PSME3IP1: variants seen among roughly 807,000 people sequenced by gnomAD.
The protein encoded by PSME3IP1 is PSME3-interacting protein.
In PSME3IP1, 13 loss-of-function variants were observed where a neutral mutation model predicts 34.1. The observed-to-expected ratio is 0.38, with a 90% CI of 0.25 to 0.61. The LOEUF (loss-of-function observed/expected upper bound fraction) is 0.61, where lower values mean the gene tolerates loss of function less well. Ranked by LOEUF, PSME3IP1 falls within the 20% of genes least tolerant of loss-of-function variation. The pLI, the probability that PSME3IP1 is intolerant of heterozygous loss-of-function variation, is 0.60. For missense variants in PSME3IP1, 237 were observed against 301.4 expected, an observed-to-expected ratio of 0.79 and a Z score of 1.58; for synonymous variants, 93 against 114.3, an observed-to-expected ratio of 0.81 and a Z score of 1.19.
intron 4 of PSME3IP1, among the ~76,000 whole-genome samples, chr16:57,169,291 C>A (rs1348075480): frequency 6.6e-6 from 1 of 152,164 alleles, no homozygotes; most frequent in African/African-American, 2.4e-5. Context: ...AACAAGAGTT[C>A]TGTTATTTAC....
At position 57,172,241 on chromosome 16, in the gene PSME3IP1, C is replaced by T. The variant is rs1018246409; in HGVS notation, c.348+10G>A. ...CACCTTACAGGTTTTCCTCCAAGTA[C>T]AAAGGATATTCTGTATTCCTTCAGT... On this transcript the variant is annotated intron_variant, in intron 4 of 6. Coordinates refer to ENST00000309137, the MANE Select transcript of PSME3IP1 (RefSeq NM_024946.4). The T allele has an allele frequency of 1.9e-6, 3 of 1,612,058 alleles. No homozygotes were observed. The East Asian group carries it at 6.7e-5, about 36-fold the overall frequency.
At chr16:57,159,006 C>A (rs1228894128) in intron 6 of PSME3IP1, among the ~76,000 whole-genome samples, 1 of 152,180 alleles carries the variant, frequency 6.6e-6, no homozygotes, top group Non-Finnish European at 1.5e-5. Context: ...TATATGCACC[C>A]ATCATTGACC....
At chr16:57,166,339 A>G (rs1334156166) in intron 5 of PSME3IP1, among the ~76,000 whole-genome samples, 1 of 152,240 alleles carries the variant, frequency 6.6e-6, no homozygotes, top group Non-Finnish European at 1.5e-5. Context: ...CAAACATAGC[A>G]AAGAACTTAT....
At chr16:57,158,386 G>A (rs535561044) in intron 6 of PSME3IP1, among the ~76,000 whole-genome samples, 6 of 151,538 alleles carry the variant, frequency 4.0e-5, no homozygotes, top group South Asian at 2.1e-4. Context: ...TCAGGGGTTC[G>A]AGACCAGCCT....
chr16:57,186,089 C>T (rs2074157549), upstream of PSME3IP1: 1 of 985,462 alleles, frequency 1.0e-6, no homozygotes, highest in South Asian at 4.7e-5. Flanking sequence ...GGAGCTCTTC[C>T]TCCCCGGGAG....
In PSME3IP1 at chr16:57,172,344, A is replaced by G. The variant is rs1348479906; in HGVS notation, c.255T>C (p.Asp85=). 2 of 1,614,090 alleles carry G rather than the reference A, an allele frequency of 1.2e-6. No homozygotes were observed. The highest frequency in any genetic ancestry group is 8.5e-7 in the Non-Finnish European group (1 of 1,180,004). The change falls in exon 4 of 7, where the codon GAT becomes GAC. Residue 85 remains aspartate, a synonymous_variant. Coordinates refer to ENST00000309137, the MANE Select transcript of PSME3IP1 (RefSeq NM_024946.4). The part of the protein sequence containing the change: ...FKNMVRGLDE[D]ETNFLDEVSR... ...AAACCTCATCAAGGAAGTTGGTCTC[A>G]TCTTCATCTAAGCCTCTTACCATGT...
Position 57,154,577 on chromosome 16 carries a change from C to T in PSME3IP1, c.548-70G>A. The stretch of plus-strand genomic sequence containing the variant: ...AAGTTGGGGACTGACTTACCATGTG[C>T]CAGGCACTGTACCAAGGGATTTTCC... On this transcript the variant is annotated intron_variant, in intron 6 of 6. Coordinates refer to ENST00000309137, the MANE Select transcript of PSME3IP1 (RefSeq NM_024946.4). The surrounding 1 kb of genome is among the most constrained non-coding windows in gnomAD (Gnocchi z 4.0). The T allele has an allele frequency of 7.5e-7, 1 of 1,335,546 alleles. No individual in the cohort carries two copies. The allele number at this position is 1,335,546 out of a possible 1,614,324, so 82.7% of individuals were successfully genotyped here.
chr16:57,163,367 G>A lies in PSME3IP1; in HGVS notation c.547+634C>T, dbSNP rs543178297. 2.6e-5 allele frequency among the ~76,000 whole-genome samples: 4 copies of A among 152,144 alleles called. No homozygotes were observed. The South Asian group carries it at 6.2e-4, about 24-fold the overall frequency. On this transcript the variant is annotated intron_variant, in intron 6 of 6. Transcript: ENST00000309137. ...ATTAAAAAGCATCATCTTTTTTTGA[G>A]AGAAATTAATGTAAGCCCTGTTGAT...
At chr16:57,181,441 CA>C (rs1485965346) in intron 1 of PSME3IP1, 1 of 152,112 alleles carries the variant, frequency 6.6e-6, no homozygotes, top group Non-Finnish European at 1.5e-5. Context: ...ACAATCAACA[CA>C]GTATAATTCT....
rs1322894961 is a variant in PSME3IP1, at chr16:57,167,104, C to T, written c.471G>A (p.Val157=). 2.5e-6 allele frequency: 4 copies of T among 1,613,704 alleles called. No individual in the cohort carries two copies. The highest frequency in any genetic ancestry group is 3.4e-6 in the Non-Finnish European group (4 of 1,180,030). ...GAGTGCTGACTAACCTCTTATGCTTCACAGCTCCTGCCAACAGCTTCGCCT... is the reference window on the plus strand; with the variant it reads ...GAGTGCTGACTAACCTCTTATGCTTTACAGCTCCTGCCAACAGCTTCGCCT... ...FSQAKLLAGA[V]KHKSSESGNS... The change falls in exon 5 of 7, where the codon GTG becomes GTA. Residue 157 remains valine (V), a synonymous_variant. Transcript: ENST00000309137.
At chr16:57,174,615 T>G (rs1266741634) in intron 1 of PSME3IP1, 2 of 985,382 alleles carry the variant, frequency 2.0e-6, no homozygotes, top group African/African-American at 3.5e-5. Flanking sequence ...ACTATCTTGA[T>G]TCACCTGCTC....
chr16:57,183,149 C>T (rs866971092), intron 1 of PSME3IP1, among the ~76,000 whole-genome samples: 9 of 152,032 alleles, frequency 5.9e-5, no homozygotes, highest in African/African-American at 9.7e-5. Context: ...ATGGCTGTGA[C>T]GATGCACAGT....
At chr16:57,157,770 T>C (rs1210227072) in intron 6 of PSME3IP1, among the ~76,000 whole-genome samples, 2 of 152,288 alleles carry the variant, frequency 1.3e-5, no homozygotes, top group African/African-American at 4.8e-5. Context: ...TGTGCATATA[T>C]TACCAATTCA....
At chr16:57,157,825 A>T (rs1597573952) in intron 6 of PSME3IP1, among the ~76,000 whole-genome samples, 2 of 152,292 alleles carry the variant, frequency 1.3e-5, no homozygotes. Flanking sequence ...ACAATTTTTT[A>T]AAAAAGCAAA....
intron 1 of PSME3IP1, among the ~76,000 whole-genome samples, chr16:57,179,018 A>G (rs1249022166): frequency 6.6e-6 from 1 of 152,242 alleles, no homozygotes; most frequent in East Asian, 1.9e-4. Flanking sequence ...AAAACAAATC[A>G]AAAGACAAAC....
At chr16:57,175,713 A>G (rs2073110124) in intron 1 of PSME3IP1, 1 of 152,214 alleles carries the variant, frequency 6.6e-6, no homozygotes, top group Admixed American at 6.5e-5. Context: ...GATATCAAAA[A>G]TGCATACTCT....
At chr16:57,155,263 A>G (rs1376994576) in intron 6 of PSME3IP1, among the ~76,000 whole-genome samples, 1 of 151,998 alleles carries the variant, frequency 6.6e-6, no homozygotes, top group Non-Finnish European at 1.5e-5. Context: ...AGGAGCTGGG[A>G]CTCTTTTTCT....
intron 1 of PSME3IP1, among the ~76,000 whole-genome samples, chr16:57,175,139 T>A (rs1196481707): frequency 6.6e-6 from 1 of 151,910 alleles, no homozygotes; most frequent in East Asian, 1.9e-4. Flanking sequence ...CTCCGCCTCC[T>A]GACTAGCTGG....
At chr16:57,180,340 A>T (rs192868080) in intron 1 of PSME3IP1, among the ~76,000 whole-genome samples, 39 of 151,942 alleles carry the variant, frequency 2.6e-4, no homozygotes, top group African/African-American at 9.1e-4. Flanking sequence ...CTGTAATCCT[A>T]GCACTTTGGG....
Sources: gnomAD v4.1 joint callset for allele counts (sites outside exome capture counted in the v4.1 genomes callset) on GRCh38, gnomAD v4.1.1 for gene constraint, Gnocchi (gnomAD v3.1) non-coding constraint, MANE v1.5 for transcripts, NCBI Gene and HGNC (gene_info 2026-07-23, HGNC 2026-07-21) for gene names.